TTF2: variants seen among roughly 807,000 people sequenced by gnomAD.
The protein encoded by TTF2 is RNA polymerase II termination factor.
A neutral mutation model predicts 142.4 loss-of-function variants in TTF2; 108 were observed. The observed-to-expected ratio is 0.76, with a 90% CI of 0.65 to 0.89. The LOEUF is 0.89. Among genes scored for constraint, TTF2 ranks in the 40% least tolerant of loss-of-function variants. TTF2 has a pLI of 0.00. For missense variants in TTF2, 1,327 were observed against 1,379.8 expected (o/e 0.96, Z 0.61); for synonymous variants, 483 against 506.2 (o/e 0.95, Z 0.61).
Position 117,075,442 on chromosome 1 carries a change from G to A in TTF2, c.858G>A (p.Thr286=), listed in dbSNP as rs143556889. The change falls in exon 5 of 23, where the codon ACG becomes ACA. Residue 286 remains threonine (T), a synonymous_variant. Transcript: ENST00000369466. The surrounding 1 kb of genome is among the most constrained non-coding windows in gnomAD (Gnocchi z 4.5). ...QKGGPLNKEY[T]NWEAKETKAK... ...GGGGACCCCTCAACAAGGAGTACAC[G>A]AACTGGGAGGCTAAAGAAACAAAGG... The A allele has an allele frequency of 7.1e-5, 114 of 1,613,962 alleles. No individual in the cohort carries two copies. The African/African-American group carries it at 1.2e-3, about 17-fold the overall frequency.
At chr1:117,062,270 C>A in intron 2 of TTF2, 117 bp from the exon 3 acceptor site, 2 of 865,676 alleles carry the variant, frequency 2.3e-6, no homozygotes, top group East Asian at 2.6e-5. Flanking sequence ...GAATTACAAA[C>A]CCAGTAGAGG....
intron 3 of TTF2, among the ~76,000 whole-genome samples, chr1:117,071,711 A>G (rs775269774): frequency 6.6e-6 from 1 of 152,146 alleles, no homozygotes; most frequent in Non-Finnish European, 1.5e-5. Flanking sequence ...AATCAGTTCT[A>G]TTTTATGCAG....
At chr1:117,068,242 T>C (rs980240415) in intron 3 of TTF2, among the ~76,000 whole-genome samples, 2 of 152,230 alleles carry the variant, frequency 1.3e-5, no homozygotes, top group African/African-American at 4.8e-5. Context: ...TAACAAGTTT[T>C]AGTTCTTTAA....
chr1:117,060,531 C>T lies in TTF2; in HGVS notation c.105C>T (p.Asp35=). ...KGKSFYVCRA[D]TCSFVRATDI... Reference sequence around the variant, plus strand: ...AGAGCTTCTACGTGTGCCGGGCAGACACGTGCAGCTTCGTGCGGGCCACCG... The same window carrying T: ...AGAGCTTCTACGTGTGCCGGGCAGATACGTGCAGCTTCGTGCGGGCCACCG... The change falls in exon 2 of 23, where the codon GAC becomes GAT. Residue 35 remains aspartate, a synonymous_variant. Coordinates refer to ENST00000369466, the MANE Select transcript of TTF2 (RefSeq NM_003594.4). The T allele has an allele frequency of 3.1e-6, 5 of 1,613,582 alleles. No individual in the cohort carries two copies. The highest frequency in any genetic ancestry group is 4.2e-6 in the Non-Finnish European group (5 of 1,179,664).
rs1273030078 is a variant in TTF2, at chr1:117,075,366, T to G, written c.782T>G (p.Leu261Arg). 1 of 1,614,176 alleles carries G rather than the reference T, an allele frequency of 6.2e-7. No individual in the cohort carries two copies. Among genetic ancestry groups the G allele is most frequent in the Non-Finnish European group, 8.5e-7 (1 of 1,180,028 alleles). The change falls in exon 5 of 23, where the codon CTT becomes CGT. Residue 261 changes from leucine (L) to arginine (R), a missense_variant. Transcript: ENST00000369466. The surrounding 1 kb of genome is among the most constrained non-coding windows in gnomAD (Gnocchi z 4.5). ...CCTCTGAGAGAAAAGGTTACCCAGC[T>G]TTTGCCTCAAAATGTTCACAGTCAC... ...SEPLREKVTQ[L>R]LPQNVHSHNS... is the part of the protein sequence containing the mutation.
At chr1:117,083,865 A>G (rs1647766275) in intron 10 of TTF2, among the ~76,000 whole-genome samples, 153 bp from the exon 11 acceptor site, 1 of 152,112 alleles carries the variant, frequency 6.6e-6, no homozygotes, top group Non-Finnish European at 1.5e-5. Flanking sequence ...CTGTAATTCC[A>G]CTGTGGGAGG....
At position 117,073,757 on chromosome 1, in the gene TTF2, G is replaced by T. The variant is rs764815163; in HGVS notation, c.285+30G>T. 4 of 1,603,772 alleles carry T rather than the reference G, an allele frequency of 2.5e-6. No homozygotes were observed. Among genetic ancestry groups the T allele is most frequent in the Non-Finnish European group, 3.4e-6 (4 of 1,172,100 alleles). ...GAATTATTCATCTGTTTTCAAACCT[G>T]CTGTGTTAAGACTTTTAATATGCAG... is the stretch of plus-strand genomic sequence containing the variant. On this transcript the variant is annotated intron_variant, in intron 4 of 22. Transcript: ENST00000369466. This position sits in a 1 kb window ranked among gnomAD's most constrained non-coding sequence, Gnocchi z 4.4.
rs560819731 is a variant in TTF2 at position 117,103,044 on chromosome 1, T to C, written c.*1520T>C. The C allele has an allele frequency of 6.6e-6, 1 of 152,354 alleles. No individual in the cohort carries two copies. The highest frequency in any genetic ancestry group is 2.1e-4 in the South Asian group (1 of 4,830). 9.4% of individuals were successfully genotyped at this position (152,354 alleles called of 1,614,324 possible). A position where few individuals can be genotyped will look rare whatever the true frequency, so the allele number is the denominator to read the frequency against. On this transcript the variant is annotated 3_prime_UTR_variant, in exon 23 of 23. Coordinates refer to ENST00000369466, the MANE Select transcript of TTF2 (RefSeq NM_003594.4). ...CTACCACTTTCCAAAAGATCATTCA[T>C]GCTGTTTCTTCCCTCCTCAGCCTAT...
At chr1:117,089,085 G>T in intron 13 of TTF2, 103 bp downstream of exon 13, 2 of 1,255,190 alleles carry the variant, frequency 1.6e-6, no homozygotes, top group Middle Eastern at 2.4e-4. Context: ...AGATTATCTT[G>T]TTTAGGAGAT....
Position 117,100,176 on chromosome 1 carries a change from T to A in TTF2, c.3345-1204T>A, listed in dbSNP as rs911344314. On this transcript the variant is annotated intron_variant, in intron 22 of 22. Coordinates refer to ENST00000369466, the MANE Select transcript of TTF2 (RefSeq NM_003594.4). The surrounding 1 kb of genome is among the most constrained non-coding windows in gnomAD (Gnocchi z 4.6). ...TCAAATGTTACAAATAGAAATTGAT[T>A]TTCTCTTCCTATTATCTCAAATCTG... Among the ~76,000 whole-genome samples, 8 of 152,218 alleles carry A rather than the reference T, an allele frequency of 5.3e-5. No individual in the cohort carries two copies. The highest frequency in any genetic ancestry group is 1.9e-4 in the African/African-American group (8 of 41,446).
At chr1:117,089,255 ATATGC>A (rs1490405360) in intron 13 of TTF2, among the ~76,000 whole-genome samples, 39 of 62,654 alleles carry the variant, frequency 6.2e-4, no homozygotes, top group Admixed American at 3.0e-3. Context: ...ATATGCAAAT[ATATGC>A]TATATATATA....
Position 117,090,773 on chromosome 1 carries a change from C to G in TTF2, c.2588+150C>G, listed in dbSNP as rs1272244492. On this transcript the variant is annotated intron_variant, in intron 15 of 22. Coordinates refer to ENST00000369466, the MANE Select transcript of TTF2 (RefSeq NM_003594.4). This position sits in a 1 kb window ranked among gnomAD's most constrained non-coding sequence, Gnocchi z 4.8. ...CCCTTTTTTTTTTTACCCCATTTTT[C>G]TCCTTCTCCCCTCCCCAGCTTACCT... 1.4e-6 allele frequency: 1 copy of G among 714,136 alleles called. No individual in the cohort carries two copies. The highest frequency in any genetic ancestry group is 2.9e-5 in the Admixed American group (1 of 33,938). 44.2% of individuals were successfully genotyped at this position (714,136 alleles called of 1,614,324 possible).
Position 117,091,323 on chromosome 1 carries a change from G to C in TTF2, c.2589-5G>C, listed in dbSNP as rs1384608350. ...TGCATTTTTTTTCTTTTTAATCTGA[G>C]GCAGGTCAGCTCTGCAATCCTATCT... On this transcript the variant is annotated splice_region_variant and splice_polypyrimidine_tract_variant and intron_variant, in intron 15 of 22. Coordinates refer to ENST00000369466, the MANE Select transcript of TTF2 (RefSeq NM_003594.4). 6 of 1,606,978 alleles carry C rather than the reference G, an allele frequency of 3.7e-6. No homozygotes were observed. In the South Asian group the frequency reaches 6.7e-5, roughly 18 times the overall value.
Position 117,088,970 on chromosome 1 carries a change from A to T in TTF2, c.2330A>T (p.Tyr777Phe). 6.2e-7 allele frequency: 1 copy of T among 1,611,800 alleles called. No individual in the cohort carries two copies. Among genetic ancestry groups the T allele is most frequent in the Non-Finnish European group, 8.5e-7 (1 of 1,179,088 alleles). Residue 777 changes from tyrosine (Y) to phenylalanine (F), a missense_variant, in exon 13 of 23, where the codon TAT becomes TTT. Physicochemically the swap from Tyr to Phe is conservative, Grantham distance 22 (BLOSUM62 3). Transcript: ENST00000369466. ...ATTCAAAACAACTTATTGGATATGTATTCGCTGCTGAAGTGAGTAACTTCT... is the reference window on the plus strand; with the variant it reads ...ATTCAAAACAACTTATTGGATATGTTTTCGCTGCTGAAGTGAGTAACTTCT... ...TPIQNNLLDM[Y>F]SLLKFLRCSP...
At position 117,080,933 on chromosome 1, in the gene TTF2, T is replaced by C. The variant is rs115963902; in HGVS notation, c.1784-895T>C. 6.3e-3 allele frequency among the ~76,000 whole-genome samples: 953 copies of C among 152,274 alleles called. 3 individuals carry two copies. Among genetic ancestry groups the C allele is most frequent in the Non-Finnish European group, 0.01 (692 of 68,010 alleles). On this transcript the variant is annotated intron_variant, in intron 9 of 22. Transcript: ENST00000369466. This position sits in a 1 kb window ranked among gnomAD's most constrained non-coding sequence, Gnocchi z 4.3. ...AGAGATTTAATGCCCAAGGTTTTTA[T>C]TGGGGGCTGGTTACTTCAGCTGGTT...
intron 18 of TTF2, among the ~76,000 whole-genome samples, chr1:117,094,954 C>T (rs1648978519): frequency 6.6e-6 from 1 of 151,994 alleles, no homozygotes; most frequent in South Asian, 2.1e-4. Flanking sequence ...GACAAGATGG[C>T]CAGTGTGTGA....
chr1:117,096,138 C>T lies in TTF2; in HGVS notation c.3036-11C>T, dbSNP rs372961427. ...TGTTAGGGTATTTTTTTATTTTATT[C>T]TTCTTTCCAGTGTCATTGTCTCTCA... On this transcript the variant is annotated splice_polypyrimidine_tract_variant and intron_variant, in intron 19 of 22. Transcript: ENST00000369466. 10 of 1,613,388 alleles carry T rather than the reference C, an allele frequency of 6.2e-6. No homozygotes were observed. The highest frequency in any genetic ancestry group is 5.9e-6 in the Non-Finnish European group (7 of 1,179,740).
Position 117,075,998 on chromosome 1 carries a change from C to A in TTF2, c.1275+139C>A, listed in dbSNP as rs557712637. 2.9e-6 allele frequency: 4 copies of A among 1,370,586 alleles called. No homozygotes were observed. In the South Asian group the frequency reaches 6.0e-5, roughly 21 times the overall value. The allele number at this position is 1,370,586 out of a possible 1,614,324, so 84.9% of individuals were successfully genotyped here. ...TGCATGTTCAGTTTCTGCCTTTTCC[C>A]CTATTTATATTTTCAAGATTGGTAA... is the stretch of plus-strand genomic sequence containing the variant. On this transcript the variant is annotated intron_variant, in intron 5 of 22. Coordinates refer to ENST00000369466, the MANE Select transcript of TTF2 (RefSeq NM_003594.4). The surrounding 1 kb of genome is among the most constrained non-coding windows in gnomAD (Gnocchi z 4.5).
intron 10 of TTF2, among the ~76,000 whole-genome samples, chr1:117,083,114 C>T (rs955764393): frequency 4.0e-5 from 6 of 151,878 alleles, no homozygotes; most frequent in South Asian, 4.2e-4. Context: ...TGGTGGCAGG[C>T]GCCTGTAGTC....
Sources: gnomAD v4.1 joint callset for allele counts (sites outside exome capture counted in the v4.1 genomes callset) on GRCh38, gnomAD v4.1.1 for gene constraint, Gnocchi (gnomAD v3.1) non-coding constraint, MANE v1.5 for transcripts, NCBI Gene and HGNC (gene_info 2026-07-23, HGNC 2026-07-21) for gene names.